CALD1: variants seen among roughly 807,000 people sequenced by gnomAD.
The protein encoded by CALD1 is caldesmon.
CALD1 carries 33 observed loss-of-function variants against 99.9 expected under a neutral mutation model. The observed-to-expected ratio is 0.33, with a 90% CI of 0.25 to 0.44. The LOEUF is 0.44. Ranked by LOEUF, CALD1 falls within the 20% of genes least tolerant of loss-of-function variation. The pLI is 1.00. For synonymous variants in CALD1, 310 were observed against 325.0 expected (o/e 0.95, Z 0.50); for missense variants, 861 against 962.1 (o/e 0.89, Z 1.39).
At chr7:134,768,328 G>A (rs1051046081) in intron 1 of CALD1, among the ~76,000 whole-genome samples, 2 of 152,242 alleles carry the variant, frequency 1.3e-5, no homozygotes, top group Middle Eastern at 6.8e-3. Context: ...CATCAAAGTG[G>A]GTCAGTGCAG....
the CALD1 span, among the ~76,000 whole-genome samples, chr7:134,715,047 A>T: frequency 6.6e-6 from 1 of 152,170 alleles, no homozygotes; most frequent in Admixed American, 6.5e-5. Context: ...CTTTCCTTCA[A>T]TGAGTTGCCA....
chr7:134,712,706 A>G, the CALD1 span, among the ~76,000 whole-genome samples: 1 of 152,230 alleles, frequency 6.6e-6, no homozygotes, highest in East Asian at 1.9e-4. Context: ...TTTGATGCTC[A>G]AAGGGATTCT....
chr7:134,817,802 G>A (rs936977176), intron 1 of CALD1, among the ~76,000 whole-genome samples: 2 of 152,060 alleles, frequency 1.3e-5, no homozygotes, highest in African/African-American at 4.8e-5. Context: ...CATTATTGAA[G>A]ACCTCTTCAA....
At chr7:134,880,201 C>T (rs1334014511) in intron 3 of CALD1, among the ~76,000 whole-genome samples, 1 of 152,132 alleles carries the variant, frequency 6.6e-6, no homozygotes, top group Non-Finnish European at 1.5e-5. Context: ...GGGAATTTTG[C>T]ATGCTTCATG....
intron 1 of CALD1, among the ~76,000 whole-genome samples, chr7:134,803,634 C>A (rs115003409): frequency 6.6e-6 from 1 of 151,228 alleles, no homozygotes; most frequent in East Asian, 1.9e-4. Context: ...AAAACCTTGT[C>A]TTTATGAATT....
At chr7:134,785,886 T>C (rs937550832) in intron 1 of CALD1, among the ~76,000 whole-genome samples, 6 of 152,240 alleles carry the variant, frequency 3.9e-5, no homozygotes, top group African/African-American at 1.4e-4. Flanking sequence ...CAGAACTGAA[T>C]ATATAAATTC....
intron 14 of CALD1, 46 bp from the exon 15 acceptor site, chr7:134,968,294 G>GTTTCACACTACAGGCTGTCAA (rs753395870): frequency 6.2e-7 from 1 of 1,602,160 alleles, no homozygotes; most frequent in South Asian, 1.1e-5. Context: ...CAGGCTGTCA[G>GTTTCACACTACAGGCTGTCAA]TTTCACACTA....
At chr7:134,867,432 T>TA (rs1310963791) in intron 2 of CALD1, among the ~76,000 whole-genome samples, 10 of 152,260 alleles carry the variant, frequency 6.6e-5, no homozygotes, top group Non-Finnish European at 1.3e-4. Flanking sequence ...TTTCAAGTCT[T>TA]CAAAACCTCT....
intron 2 of CALD1, among the ~76,000 whole-genome samples, chr7:134,847,093 G>A (rs3800727): frequency 0.13 from 20,047 of 152,144 alleles, 1,398 homozygotes; most frequent in South Asian, 0.19. Flanking sequence ...CTATGAGCAC[G>A]TAAAAGAAGT....
At chr7:134,846,717 G>A (rs1030797091) in intron 2 of CALD1, among the ~76,000 whole-genome samples, 2 of 152,146 alleles carry the variant, frequency 1.3e-5, no homozygotes, top group African/African-American at 4.8e-5. Flanking sequence ...AGATCTGGAA[G>A]CCACCTCCTG....
At chr7:134,820,590 TAC>T (rs1463610252) in intron 1 of CALD1, among the ~76,000 whole-genome samples, 1 of 152,228 alleles carries the variant, frequency 6.6e-6, no homozygotes, top group African/African-American at 2.4e-5. Context: ...TCTTTCTGTC[TAC>T]ACTTTACCCA....
chr7:134,724,082 A>G, the CALD1 span, among the ~76,000 whole-genome samples: 2 of 152,218 alleles, frequency 1.3e-5, no homozygotes, highest in African/African-American at 2.4e-5. Flanking sequence ...ATCTGTCCAT[A>G]AAAGGGATGG....
In CALD1 at chr7:134,830,272, T is replaced by C. The variant is rs115204198; in HGVS notation, c.-129-13612T>C. Among the ~76,000 whole-genome samples the C allele has an allele frequency of 9.8e-3, 1,496 of 152,350 alleles. 26 individuals carry two copies. Among genetic ancestry groups the C allele is most frequent in the African/African-American group, 0.035 (1,437 of 41,580 alleles). ...TGTGTGTTATCTCACTCGTAGAATT[T>C]ATTCTTTCTTCACCCTTCCTCTGTG... is the stretch of plus-strand genomic sequence containing the variant. On this transcript the variant is annotated intron_variant, in intron 1 of 14. Coordinates refer to ENST00000361675, the MANE Select transcript of CALD1 (RefSeq NM_033138.4).
At chr7:134,914,908 G>A (rs1804095298) in intron 3 of CALD1, among the ~76,000 whole-genome samples, 1 of 152,138 alleles carries the variant, frequency 6.6e-6, no homozygotes, top group Admixed American at 6.5e-5. Flanking sequence ...ATCCTTAACA[G>A]GTCTTAACTT....
At chr7:134,848,975 T>C (rs1490447095) in intron 2 of CALD1, among the ~76,000 whole-genome samples, 6 of 152,220 alleles carry the variant, frequency 3.9e-5, no homozygotes, top group African/African-American at 1.2e-4. Context: ...TCACGTGCCA[T>C]ATTAGTTCTG....
chr7:134,891,500 G>GCAC, intron 3 of CALD1: 5 of 1,479,532 alleles, frequency 3.4e-6, no homozygotes, highest in Non-Finnish European at 4.5e-6. Flanking sequence ...GGAGCATCCT[G>GCAC]CACCGTGCAT....
At chr7:134,951,909 G>T (rs1162438416) in intron 9 of CALD1, among the ~76,000 whole-genome samples, 1 of 152,196 alleles carries the variant, frequency 6.6e-6, no homozygotes, top group East Asian at 1.9e-4. Flanking sequence ...GATGAATAAA[G>T]GAATGAATCT....
At chr7:134,743,909 AG>A (rs1231969970), upstream of CALD1, among the ~76,000 whole-genome samples, 1 of 152,236 alleles carries the variant, frequency 6.6e-6, no homozygotes, top group Non-Finnish European at 1.5e-5. Flanking sequence ...GGTCTATTTT[AG>A]TATGATCCTC....
chr7:134,720,572 G>A, the CALD1 span, among the ~76,000 whole-genome samples: 216 of 152,236 alleles, frequency 1.4e-3, no homozygotes, highest in African/African-American at 5.0e-3. Context: ...TAACATCTGT[G>A]ATCTCCCCAT....
Sources: gnomAD v4.1 joint callset for allele counts (sites outside exome capture counted in the v4.1 genomes callset) on GRCh38, gnomAD v4.1.1 for gene constraint, MANE v1.5 for transcripts, NCBI Gene and HGNC (gene_info 2026-07-23, HGNC 2026-07-21) for gene names.